Variants in TDP1 observed in about 807,000 individuals in gnomAD.
The protein encoded by TDP1 is tyrosyl-DNA phosphodiesterase 1, also known as tyr-DNA phosphodiesterase 1.
Under a neutral mutation model 81.5 loss-of-function variants are expected in TDP1, and 64 were observed. That is an observed-to-expected ratio of 0.79 (90% confidence interval 0.64 to 0.97). The LOEUF (loss-of-function observed/expected upper bound fraction) is 0.97, where lower values mean the gene tolerates loss of function less well. Ranked by LOEUF, TDP1 falls within the 50% of genes least tolerant of loss-of-function variation. The probability of loss-of-function intolerance (pLI) is 0.00; values close to 1 mark genes in which losing one functional copy is unlikely to be tolerated. For missense variants in TDP1, 723 were observed against 743.8 expected, an observed-to-expected ratio of 0.97 and a Z score of 0.33; for synonymous variants, 256 against 264.3, an observed-to-expected ratio of 0.97 and a Z score of 0.30.
intron 12 of TDP1, among the ~76,000 whole-genome samples, chr14:89,990,700 T>A (rs1896087618): frequency 6.6e-6 from 1 of 151,988 alleles, no homozygotes; most frequent in African/African-American, 2.4e-5. Flanking sequence ...CAACATGGTA[T>A]TTTTAACAAA....
rs546945995 is a variant in TDP1, at chr14:90,016,892, A to T, written c.1542-2424A>T. 2.0e-5 allele frequency among the ~76,000 whole-genome samples: 3 copies of T among 152,246 alleles called. No homozygotes were observed. The South Asian group carries it at 6.2e-4, about 32-fold the overall frequency. On this transcript the variant is annotated intron_variant, in intron 14 of 16. Coordinates refer to ENST00000335725, the MANE Select transcript of TDP1 (RefSeq NM_018319.4). The stretch of plus-strand genomic sequence containing the variant: ...GGACCTCCAGAGTTCTACCCTAATG[A>T]TCTAAAGTAAATTAAATACCCCACC...
chr14:89,989,744 A>C lies in TDP1; in HGVS notation c.1345A>C (p.Thr449Pro), dbSNP rs1232088726. The C allele has an allele frequency of 5.6e-6, 9 of 1,611,372 alleles. No homozygotes were observed. The highest frequency in any genetic ancestry group is 7.6e-6 in the Non-Finnish European group (9 of 1,177,806). ...CTATCCTTCTGTGGAAAATGTGCGG[A>C]CCAGTTTAGAAGGATATCCTGGTAA... The part of the protein sequence containing the change: ...LIYPSVENVR[T>P]SLEGYPAGGS... The change falls in exon 12 of 17, where the codon ACC becomes CCC. Residue 449 changes from threonine to proline, a missense_variant. By Grantham distance (38) the Thr-to-Pro change is conservative (BLOSUM62 -1). Coordinates refer to ENST00000335725, the MANE Select transcript of TDP1 (RefSeq NM_018319.4).
rs34804881 is a variant in TDP1 at position 90,034,226 on chromosome 14, G to A, written c.1753+1012G>A. On this transcript the variant is annotated intron_variant, in intron 16 of 16. Transcript: ENST00000335725. ...ATTGAGGCTGTTGTGATATCACATC[G>A]CATAGCCTCTGTATACCTGTGTAAA... Among the ~76,000 whole-genome samples the A allele has an allele frequency of 3.9e-3, 592 of 152,216 alleles. 2 individuals are homozygous for A. Among genetic ancestry groups the A allele is most frequent in the African/African-American group, 0.014 (564 of 41,530 alleles).
intron 6 of TDP1, among the ~76,000 whole-genome samples, chr14:89,974,493 C>T (rs983901573): frequency 6.6e-6 from 1 of 152,198 alleles, no homozygotes; most frequent in Admixed American, 6.5e-5. Context: ...CCATTCCAAA[C>T]AGGAGCTGTG....
At chr14:90,038,756 T>C (rs1336680957) in intron 16 of TDP1, among the ~76,000 whole-genome samples, 1 of 152,108 alleles carries the variant, frequency 6.6e-6, no homozygotes, top group Admixed American at 6.5e-5. Flanking sequence ...GAGAATCACT[T>C]GAACCTGGGA....
At chr14:90,004,151 G>C (rs551611555) in intron 14 of TDP1, among the ~76,000 whole-genome samples, 1 of 152,180 alleles carries the variant, frequency 6.6e-6, no homozygotes, top group South Asian at 2.1e-4. Flanking sequence ...ACCCTCACCT[G>C]CCTACATCTG....
rs761583949 is a variant in TDP1, at chr14:89,963,261, C to A, written c.147C>A (p.Ser49=). 13 of 1,614,076 alleles carry A rather than the reference C, an allele frequency of 8.1e-6. No individual in the cohort carries two copies. Among genetic ancestry groups the A allele is most frequent in the African/African-American group, 1.3e-5 (1 of 74,986 alleles). ...GAANEPRYTC[S]EAQKAAHKRK... ...CAAATGAGCCCAGGTACACCTGTTC[C>A]GAGGCCCAGAAAGCTGCACACAAGA... The change falls in exon 3 of 17, where the codon TCC becomes TCA. Residue 49 remains serine, a synonymous_variant. Transcript: ENST00000335725.
At chr14:90,036,878 C>T (rs1378028189) in intron 16 of TDP1, among the ~76,000 whole-genome samples, 2 of 147,910 alleles carry the variant, frequency 1.4e-5, no homozygotes, top group South Asian at 2.1e-4. Context: ...GGCATGGTCT[C>T]AGCTCACTAC....
At chr14:90,029,602 G>T (rs866132410) in intron 15 of TDP1, among the ~76,000 whole-genome samples, 1 of 150,274 alleles carries the variant, frequency 6.7e-6, no homozygotes, top group Admixed American at 6.6e-5. Flanking sequence ...GGATTCCAGC[G>T]ATTCTCCTGT....
intron 15 of TDP1, 181 bp from the exon 16 acceptor site, chr14:90,032,925 A>C: frequency 3.2e-6 from 3 of 930,694 alleles, no homozygotes; most frequent in Non-Finnish European, 3.8e-6. Context: ...TTAGAAAGGA[A>C]AATAATTTGG....
At chr14:89,975,655 C>G in intron 6 of TDP1, 126 bp from the exon 7 acceptor site, 2 of 977,174 alleles carry the variant, frequency 2.0e-6, no homozygotes, top group Non-Finnish European at 3.2e-6. Context: ...CAAGGGCTTG[C>G]CTGGTAGAGA....
intron 7 of TDP1, 128 bp downstream of exon 7, chr14:89,975,943 C>G: frequency 2.6e-6 from 2 of 778,628 alleles, no homozygotes; most frequent in Non-Finnish European, 4.7e-6. Context: ...TTAACTGAGC[C>G]TGGGGGAGCT....
intron 14 of TDP1, among the ~76,000 whole-genome samples, chr14:90,010,572 AGTC>A (rs1053891232): frequency 2.0e-5 from 3 of 151,668 alleles, no homozygotes; most frequent in African/African-American, 7.3e-5. Context: ...AAGAGGGACA[AGTC>A]GAGAGAGAGA....
intron 14 of TDP1, among the ~76,000 whole-genome samples, chr14:90,011,401 G>A (rs1291328682): frequency 6.6e-6 from 1 of 152,188 alleles, no homozygotes; most frequent in East Asian, 1.9e-4. Flanking sequence ...AAGAAGACAG[G>A]AAAATGTGGG....
intron 2 of TDP1, among the ~76,000 whole-genome samples, chr14:89,961,472 G>C (rs910432838): frequency 6.6e-6 from 1 of 152,206 alleles, no homozygotes; most frequent in African/African-American, 2.4e-5. Flanking sequence ...GTAGAACATA[G>C]TTTAAAGGTA....
At chr14:89,964,399 T>C (rs1012008077) in intron 3 of TDP1, among the ~76,000 whole-genome samples, 1 of 152,230 alleles carries the variant, frequency 6.6e-6, no homozygotes, top group Non-Finnish European at 1.5e-5. Context: ...TAACATTCTC[T>C]GAATTTTAGT....
intron 15 of TDP1, among the ~76,000 whole-genome samples, chr14:90,031,727 G>C (rs1333181200): frequency 1.3e-5 from 2 of 152,126 alleles, no homozygotes; most frequent in Non-Finnish European, 2.9e-5. Context: ...CCTGGGACCT[G>C]CCAGGCTCTT....
At chr14:89,976,148 C>T (rs1039574794) in intron 7 of TDP1, among the ~76,000 whole-genome samples, 1 of 152,138 alleles carries the variant, frequency 6.6e-6, no homozygotes, top group African/African-American at 2.4e-5. Context: ...CTCTGTTGCC[C>T]AGACTGGAGT....
At chr14:89,988,561 G>T (rs1299293770) in intron 10 of TDP1, 1 of 975,408 alleles carries the variant, frequency 1.0e-6, no homozygotes, top group Non-Finnish European at 1.2e-6. Context: ...AAACACTTGT[G>T]ATTTCAAGTA....
Sources: allele counts gnomAD v4.1 joint callset (sites outside exome capture counted in the v4.1 genomes callset), GRCh38; gene constraint gnomAD v4.1.1; transcripts MANE v1.5; gene names NCBI Gene and HGNC (gene_info 2026-07-23, HGNC 2026-07-21).